Variants in RGS12 observed in about 807,000 individuals in gnomAD.
The protein encoded by RGS12 is regulator of G protein signaling 12.
RGS12 carries 66 observed loss-of-function variants against 120.1 expected under a neutral mutation model. The ratio of observed to expected loss-of-function variants is 0.55; its 90% confidence interval spans 0.45 to 0.67. RGS12 has a LOEUF of 0.67. RGS12 is among the 30% of genes least tolerant of loss of function. The probability of loss-of-function intolerance (pLI) is 0.00; values close to 1 mark genes in which losing one functional copy is unlikely to be tolerated. For missense variants in RGS12, 1,859 were observed against 1,957.7 expected (o/e 0.95, Z 0.95); for synonymous variants, 827 against 804.7 (o/e 1.03, Z -0.47).
At chr4:3,414,436 T>A (rs1285000289) in intron 5 of RGS12, 195 bp downstream of exon 5, 4 of 658,932 alleles carry the variant, frequency 6.1e-6, no homozygotes, top group Non-Finnish European at 1.0e-5. Flanking sequence ...CCCCTGGTTC[T>A]GCCCCCAGGG....
At chr4:3,336,782 C>T (rs1712524216) in intron 2 of RGS12, among the ~76,000 whole-genome samples, 1 of 152,056 alleles carries the variant, frequency 6.6e-6, no homozygotes, top group Non-Finnish European at 1.5e-5. Flanking sequence ...TGAAGGCAAC[C>T]CACAGAATGG....
At chr4:3,304,200 A>G (rs1476845069) in intron 1 of RGS12, among the ~76,000 whole-genome samples, 9 of 152,264 alleles carry the variant, frequency 5.9e-5, no homozygotes, top group Non-Finnish European at 1.2e-4. Context: ...ACGAAAAACT[A>G]TGCATGATGA....
At chr4:3,399,057 T>C (rs925371690) in intron 4 of RGS12, among the ~76,000 whole-genome samples, 2 of 152,100 alleles carry the variant, frequency 1.3e-5, no homozygotes, top group African/African-American at 4.8e-5. Context: ...AAGGAAGAAA[T>C]TAAAATGGGA....
At chr4:3,309,170 GAGGAGC>G (rs1374513717) in intron 1 of RGS12, among the ~76,000 whole-genome samples, 14 of 6,146 alleles carry the variant, frequency 2.3e-3, no homozygotes, top group East Asian at 0.014. Context: ...CCGTGTTGAG[GAGGAGC>G]TGGGACTCGG....
At chr4:3,424,491 G>T (rs1353250474) in intron 13 of RGS12, among the ~76,000 whole-genome samples, 1 of 152,244 alleles carries the variant, frequency 6.6e-6, no homozygotes, top group Non-Finnish European at 1.5e-5. Flanking sequence ...TGGCTCCCAG[G>T]TGTGCCCCTC....
rs1724894006 is a variant in RGS12 at position 3,317,828 on chromosome 4, A to T, written c.1658A>T (p.Asp553Val). The part of the protein sequence containing the change: ...LREWQCGHTS[D>V]QDSYTDSTDG... Reference sequence around the variant, plus strand: ...GAGTGGCAGTGCGGACACACCAGCGACCAGGACTCTTACACAGATTCCACC... The same window carrying T: ...GAGTGGCAGTGCGGACACACCAGCGTCCAGGACTCTTACACAGATTCCACC... The change falls in exon 2 of 18, where the codon GAC becomes GTC. Residue 553 changes from aspartate to valine, a missense_variant. By Grantham distance (152) the Asp-to-Val change is radical. Around this residue, in one of 3 missense-constraint regions of RGS12, gnomAD observed 967 missense variants for 994.2 expected, o/e 0.97. Coordinates refer to ENST00000336727, the MANE Select transcript of RGS12 (RefSeq NM_001394154.1). 4.3e-6 allele frequency: 7 copies of T among 1,613,282 alleles called. No homozygotes were observed. The highest frequency in any genetic ancestry group is 5.9e-6 in the Non-Finnish European group (7 of 1,179,770).
At chr4:3,415,226 C>T (rs1422771637) in intron 6 of RGS12, among the ~76,000 whole-genome samples, 2 of 151,786 alleles carry the variant, frequency 1.3e-5, no homozygotes, top group Admixed American at 6.6e-5. Flanking sequence ...GCCGCGTGGC[C>T]TCATTGGAGG....
chr4:3,287,813 A>G, the RGS12 span, among the ~76,000 whole-genome samples: 2 of 152,252 alleles, frequency 1.3e-5, no homozygotes, highest in African/African-American at 4.8e-5. Context: ...GTCCCGGGAC[A>G]GAGCATTTCA....
Position 3,317,479 on chromosome 4 carries a change from C to G in RGS12, c.1309C>G (p.Arg437Gly). The change falls in exon 2 of 18, where the codon CGG becomes GGG. Residue 437 changes from arginine (R) to glycine (G), a missense_variant. Around this residue, in one of 3 missense-constraint regions of RGS12, gnomAD observed 967 missense variants for 994.2 expected, o/e 0.97. Coordinates refer to ENST00000336727, the MANE Select transcript of RGS12 (RefSeq NM_001394154.1). ...CTTCCACCAGGAGGAGAAGAGCAAC[C>G]GGGTCCTTGTGGTGGACCTGGGTGG... ...GNFHQEEKSNRVLVVDLGGSS... is the reference protein window; with the variant it reads ...GNFHQEEKSNGVLVVDLGGSS... 1 of 1,613,866 alleles carries G rather than the reference C, an allele frequency of 6.2e-7. No homozygotes were observed. Among genetic ancestry groups the G allele is most frequent in the Non-Finnish European group, 8.5e-7 (1 of 1,180,036 alleles).
chr4:3,417,012 G>T lies in RGS12; in HGVS notation c.2527G>T (p.Asp843Tyr), dbSNP rs774518000. The T allele has an allele frequency of 1.1e-5, 17 of 1,613,454 alleles. No homozygotes were observed. The highest frequency in any genetic ancestry group is 1.4e-5 in the Non-Finnish European group (17 of 1,179,848). ...GGAAGTGGAGGGCCGTGCACTCCCG[G>T]ACTCGCAGCAGGTCCCCAGCAGCCC... ...LAEVEGRALP[D>Y]SQQVPSSPAS... is the part of the protein sequence containing the mutation. Residue 843 changes from aspartate to tyrosine, a missense_variant, in exon 8 of 18, where the codon GAC becomes TAC. This residue lies in a region of RGS12 where 375 missense variants were observed against 475.0 expected (regional missense o/e 0.79). Transcript: ENST00000336727.
intron 1 of RGS12, chr4:3,313,118 T>C (rs1041618179): frequency 2.0e-5 from 3 of 152,188 alleles, no homozygotes; most frequent in African/African-American, 7.2e-5. Flanking sequence ...TTACAAACCA[T>C]TTCTTTTTAA....
rs757169724 is a variant in RGS12, at chr4:3,416,074, G to A, written c.2380G>A (p.Val794Ile). Residue 794 changes from valine (V) to isoleucine (I), a missense_variant, in exon 7 of 18, where the codon GTC (valine) becomes ATC (isoleucine). Val to Ile is a conservative substitution (Grantham distance 29). Coordinates refer to ENST00000336727, the MANE Select transcript of RGS12 (RefSeq NM_001394154.1). ...CAGCCAGGCCCAGCTAGCAGACGAC[G>A]TCCTCCGCGCACCTCACCCAGACAT... The part of the protein sequence containing the change: ...IDSQAQLADD[V>I]LRAPHPDMFK... The A allele has an allele frequency of 1.4e-5, 22 of 1,613,954 alleles. No homozygotes were observed. Among genetic ancestry groups the A allele is most frequent in the Admixed American group, 5.0e-5 (3 of 59,986 alleles).
intron 1 of RGS12, among the ~76,000 whole-genome samples, chr4:3,310,421 G>A (rs1724319671): frequency 6.6e-6 from 1 of 152,204 alleles, no homozygotes; most frequent in African/African-American, 2.4e-5. Flanking sequence ...GAGAGGTATT[G>A]ACTGGTGGCT....
intron 2 of RGS12, among the ~76,000 whole-genome samples, chr4:3,321,570 C>G (rs1725193029): frequency 6.6e-6 from 1 of 152,206 alleles, no homozygotes; most frequent in African/African-American, 2.4e-5. Context: ...TACCCAGCGT[C>G]TGTATGCACC....
intron 6 of RGS12, 104 bp from the exon 7 acceptor site, chr4:3,415,874 C>T (rs777618302): frequency 8.9e-6 from 11 of 1,238,296 alleles, no homozygotes; most frequent in South Asian, 3.0e-5. Context: ...TACTGGGGCC[C>T]GTGAGAACAC....
intron 15 of RGS12, 117 bp from the exon 16 acceptor site, chr4:3,428,441 A>C: frequency 1.1e-6 from 1 of 948,238 alleles, no homozygotes. Flanking sequence ...TCTGCAATGC[A>C]TGTAAATTCT....
At chr4:3,432,610 C>T (rs552654480) in intron 17 of RGS12, among the ~76,000 whole-genome samples, 2 of 152,292 alleles carry the variant, frequency 1.3e-5, no homozygotes, top group Admixed American at 6.5e-5. Flanking sequence ...GTTTACAGCG[C>T]AGGCCCAGCT....
intron 1 of RGS12, among the ~76,000 whole-genome samples, chr4:3,300,548 C>G (rs924447657): frequency 6.6e-6 from 1 of 152,180 alleles, no homozygotes. Flanking sequence ...AGGGGCTAGC[C>G]CAGTAGCAGC....
At chr4:3,379,052 G>C (rs1717999966) in intron 3 of RGS12, among the ~76,000 whole-genome samples, 1 of 150,028 alleles carries the variant, frequency 6.7e-6, no homozygotes, top group Non-Finnish European at 1.5e-5. Context: ...TGTGTTTAGA[G>C]AGAGAATGAG....
Sources: allele counts gnomAD v4.1 joint callset (sites outside exome capture counted in the v4.1 genomes callset), GRCh38; gene constraint gnomAD v4.1.1; regional missense constraint gnomAD v4.1.1; transcripts MANE v1.5; gene names NCBI Gene and HGNC (gene_info 2026-07-23, HGNC 2026-07-21).